CHD1L: variants seen among roughly 807,000 people sequenced by gnomAD.
CHD1L encodes the protein ATP-dependent chromatin remodeler CHD1L.
In CHD1L, 118 loss-of-function variants were observed where a neutral mutation model predicts 115.9. The ratio of observed to expected loss-of-function variants is 1.02; its 90% CI spans 0.88 to 1.19. The LOEUF (loss-of-function observed/expected upper bound fraction) is 1.19, where lower values mean the gene tolerates loss of function less well. Ranked by LOEUF, CHD1L falls within the 50% of genes most tolerant of loss-of-function variation. The probability of loss-of-function intolerance (pLI) is 0.00; values close to 1 mark genes in which losing one functional copy is unlikely to be tolerated. For missense variants in CHD1L, 1,179 were observed against 1,065.3 expected, an observed-to-expected ratio of 1.11 and a Z score of -1.49; for synonymous variants, 411 against 387.1, an observed-to-expected ratio of 1.06 and a Z score of -0.72.
At chr1:147,284,735 G>A (rs1406402508) in intron 16 of CHD1L, among the ~76,000 whole-genome samples, 3 of 152,156 alleles carry the variant, frequency 2.0e-5, no homozygotes, top group Admixed American at 2.0e-4. Context: ...GGTGAAAGCA[G>A]CCTTGTCCAT....
the CHD1L span, among the ~76,000 whole-genome samples, chr1:147,185,117 G>A: frequency 6.6e-6 from 1 of 151,796 alleles, no homozygotes; most frequent in Non-Finnish European, 1.5e-5. Flanking sequence ...GTTGTTTTGA[G>A]TTCAATTTCT....
chr1:147,284,960 G>A (rs1378232838), intron 16 of CHD1L, among the ~76,000 whole-genome samples: 1 of 152,188 alleles, frequency 6.6e-6, no homozygotes, highest in Non-Finnish European at 1.5e-5. Flanking sequence ...ATAATACATT[G>A]CAGAAAGAGT....
chr1:147,284,138 C>G (rs1241442272), intron 15 of CHD1L, among the ~76,000 whole-genome samples: 6 of 152,172 alleles, frequency 3.9e-5, no homozygotes, highest in African/African-American at 1.4e-4. Context: ...AAGCCATGCT[C>G]TCCCCTTGGA....
chr1:147,222,882 G>A, the CHD1L span, among the ~76,000 whole-genome samples: 2 of 152,152 alleles, frequency 1.3e-5, no homozygotes, highest in African/African-American at 4.8e-5. Flanking sequence ...TTGATTTCAT[G>A]CCTTTTCAGT....
the CHD1L span, among the ~76,000 whole-genome samples, chr1:147,229,994 C>T: frequency 7.3e-6 from 1 of 137,220 alleles, no homozygotes; most frequent in East Asian, 2.4e-4. Flanking sequence ...AATTGAATAC[C>T]CTTTATTTCC....
At chr1:147,174,292 A>G in the CHD1L span, 1 of 152,164 alleles carries the variant, frequency 6.6e-6, no homozygotes. Flanking sequence ...ATTCCTTACC[A>G]TAGGACACTG....
At chr1:147,240,815 T>C (rs1272724369), upstream of CHD1L, among the ~76,000 whole-genome samples, 10 of 152,172 alleles carry the variant, frequency 6.6e-5, no homozygotes, top group African/African-American at 2.4e-4. Flanking sequence ...CATGTTTTCA[T>C]GCTGACCGTC....
At position 147,285,342 on chromosome 1, in the gene CHD1L, G is replaced by T; in HGVS notation, c.1873G>T (p.Val625Leu). 1 of 1,613,564 alleles carries T rather than the reference G, an allele frequency of 6.2e-7. No homozygotes were observed. Among genetic ancestry groups the T allele is most frequent in the Non-Finnish European group, 8.5e-7 (1 of 1,179,844 alleles). The change falls in exon 17 of 23, where the codon GTG (valine) becomes TTG (leucine). Residue 625 changes from valine to leucine, a missense_variant. Physicochemically the swap from Val to Leu is conservative, Grantham distance 32 (BLOSUM62 1). Coordinates refer to ENST00000369258, the MANE Select transcript of CHD1L (RefSeq NM_004284.6). ...NKGSVLIPGL[V>L]EGSTKRKRVL... is the part of the protein sequence containing the mutation. ...CCTCTAGGTTCTCATCCCAGGCCTT[G>T]TGGAGGGATCTACCAAAAGGAAGCG...
At chr1:147,230,935 T>C in the CHD1L span, among the ~76,000 whole-genome samples, 1 of 152,110 alleles carries the variant, frequency 6.6e-6, no homozygotes, top group African/African-American at 2.4e-5. Context: ...CTATCAATTT[T>C]GTTTATCTTT....
At chr1:147,290,826 AT>A (rs1685241380) in intron 19 of CHD1L, among the ~76,000 whole-genome samples, 1 of 151,630 alleles carries the variant, frequency 6.6e-6, no homozygotes, top group South Asian at 2.1e-4. Context: ...ACTTTTTCTT[AT>A]TTTTTGTAGA....
At chr1:147,201,815 A>G in the CHD1L span, among the ~76,000 whole-genome samples, 2,186 of 152,284 alleles carry the variant, frequency 0.014, 55 homozygotes, top group African/African-American at 0.051. Context: ...CCACAGGTCA[A>G]TAGTTTGTAT....
chr1:147,281,647 G>A (rs1206931981), intron 15 of CHD1L, among the ~76,000 whole-genome samples: 1 of 151,950 alleles, frequency 6.6e-6, no homozygotes, highest in African/African-American at 2.4e-5. Flanking sequence ...TGTTTTAATT[G>A]TAACTCTGTT....
chr1:147,209,006 C>T, the CHD1L span: 1 of 1,614,170 alleles, frequency 6.2e-7, no homozygotes, highest in Admixed American at 1.7e-5. Context: ...CCGTAGTCCC[C>T]TACACGATTC....
intron 13 of CHD1L, among the ~76,000 whole-genome samples, 161 bp downstream of exon 13, chr1:147,275,629 G>A (rs1678106477): frequency 6.6e-6 from 1 of 152,056 alleles, no homozygotes; most frequent in South Asian, 2.1e-4. Context: ...TATTGGGTGG[G>A]TCACATTATC....
At chr1:147,286,204 G>A in intron 17 of CHD1L, 94 bp from the exon 18 acceptor site, 3 of 1,187,802 alleles carry the variant, frequency 2.5e-6, no homozygotes, top group Non-Finnish European at 3.6e-6. Context: ...ATTTCTACTT[G>A]GCAGATATTG....
the CHD1L span, chr1:147,187,332 G>T: frequency 2.2e-6 from 2 of 900,328 alleles, no homozygotes; most frequent in Non-Finnish European, 3.4e-6. Flanking sequence ...CCTGCTATTG[G>T]CTCAATATCA....
intron 14 of CHD1L, among the ~76,000 whole-genome samples, chr1:147,277,122 A>T (rs1678795294): frequency 6.6e-6 from 1 of 152,108 alleles, no homozygotes; most frequent in Admixed American, 6.5e-5. Flanking sequence ...AAAGGAAAAT[A>T]AGAAGTAGGG....
At chr1:147,213,167 A>T in the CHD1L span, 1 of 711,194 alleles carries the variant, frequency 1.4e-6, no homozygotes. Context: ...TTACCCCAAC[A>T]TCCTTCTGGG....
At chr1:147,242,917 C>T in intron 1 of CHD1L, 87 bp downstream of exon 1, 1 of 1,226,410 alleles carries the variant, frequency 8.2e-7, no homozygotes, top group East Asian at 3.2e-5. Context: ...GGGTGGGCCG[C>T]CCGGTGGGCA....
Sources: allele counts gnomAD v4.1 joint callset (sites outside exome capture counted in the v4.1 genomes callset), GRCh38; gene constraint gnomAD v4.1.1; transcripts MANE v1.5; gene names NCBI Gene and HGNC (gene_info 2026-07-23, HGNC 2026-07-21).